DIP2B: variants seen among roughly 807,000 people sequenced by gnomAD.
The protein encoded by DIP2B is DIP2 acetate--CoA ligase B (putative), also known as disco-interacting protein 2 homolog B.
In DIP2B, 76 loss-of-function variants were observed where a neutral mutation model predicts 198.0. That is an observed-to-expected ratio of 0.38 (90% CI 0.32 to 0.46). DIP2B has a LOEUF of 0.46. Ranked by LOEUF, DIP2B falls within the 20% of genes least tolerant of loss-of-function variation. The pLI is 0.99. For synonymous variants in DIP2B, 701 were observed against 739.1 expected, an observed-to-expected ratio of 0.95 and a Z score of 0.84; for missense variants, 1,559 against 1,978.4, an observed-to-expected ratio of 0.79 and a Z score of 4.02.
intron 1 of DIP2B, among the ~76,000 whole-genome samples, chr12:50,546,582 C>A (rs1958379525): frequency 6.6e-6 from 1 of 152,164 alleles, no homozygotes; most frequent in Non-Finnish European, 1.5e-5. Context: ...GTTCTCTGGG[C>A]CTCTCAATGT....
At chr12:50,678,607 TGAGATTA>T in intron 7 of DIP2B, 65 bp from the exon 8 acceptor site, 1 of 1,444,118 alleles carries the variant, frequency 6.9e-7, no homozygotes, top group Non-Finnish European at 9.5e-7. Flanking sequence ...AAGATGCAGT[TGAGATTA>T]GAGACCTAAG....
rs536912408 is a variant in DIP2B, at chr12:50,725,104, T to C, written c.3400+218T>C. 3.2e-3 allele frequency among the ~76,000 whole-genome samples: 488 copies of C among 152,238 alleles called. 2 individuals are homozygous for C. The highest frequency in any genetic ancestry group is 0.011 in the African/African-American group (469 of 41,554). On this transcript the variant is annotated intron_variant, in intron 28 of 37. Coordinates refer to ENST00000301180, the MANE Select transcript of DIP2B (RefSeq NM_173602.3). ...CTGCTAAGAGCTCTCCAAACAAAAT[T>C]GTTTTGCTGTTACTCTTGGCATCAT...
intron 1 of DIP2B, among the ~76,000 whole-genome samples, chr12:50,551,111 G>A (rs1480531256): frequency 6.6e-6 from 1 of 151,246 alleles, no homozygotes; most frequent in Non-Finnish European, 1.5e-5. Context: ...AAGAAAGAAA[G>A]AACATGAAGT....
intron 22 of DIP2B, among the ~76,000 whole-genome samples, chr12:50,711,749 G>A (rs922950061): frequency 2.0e-5 from 3 of 152,126 alleles, no homozygotes; most frequent in South Asian, 2.1e-4. Flanking sequence ...TTTACTAGAC[G>A]GGGTTTCACC....
chr12:50,719,755 C>A (rs370310419), intron 25 of DIP2B, among the ~76,000 whole-genome samples: 2 of 151,404 alleles, frequency 1.3e-5, no homozygotes, highest in Non-Finnish European at 2.9e-5. Context: ...GCAGGAGAAT[C>A]GCTTGAATCC....
chr12:50,602,857 CAAA>C (rs71086464), intron 1 of DIP2B, among the ~76,000 whole-genome samples: 5 of 91,490 alleles, frequency 5.5e-5, no homozygotes, highest in East Asian at 3.3e-4. Context: ...GACTCTGTCT[CAAA>C]AAAAAAAAAA....
intron 1 of DIP2B, among the ~76,000 whole-genome samples, chr12:50,577,521 G>A (rs1025853177): frequency 1.3e-5 from 2 of 151,464 alleles, no homozygotes; most frequent in Non-Finnish European, 2.9e-5. Flanking sequence ...GCAACAGAGC[G>A]AGACTCCGTC....
chr12:50,541,016 A>G (rs1418134607), intron 1 of DIP2B, among the ~76,000 whole-genome samples: 1 of 152,150 alleles, frequency 6.6e-6, no homozygotes, highest in Non-Finnish European at 1.5e-5. Flanking sequence ...TCTTCAATGC[A>G]CTTAGTTTTA....
intron 36 of DIP2B, 28 bp from the exon 37 acceptor site, chr12:50,741,388 C>T: frequency 6.2e-7 from 1 of 1,610,358 alleles, no homozygotes; most frequent in East Asian, 2.2e-5. Flanking sequence ...ATGTCCAAGC[C>T]ACATTTCTCT....
chr12:50,661,925 C>T (rs1521516), intron 4 of DIP2B, among the ~76,000 whole-genome samples: 41,189 of 151,964 alleles, frequency 0.27, 6,346 homozygotes, highest in Non-Finnish European at 0.35. Flanking sequence ...TGAGAATGCT[C>T]AGAAGGAGTG....
At chr12:50,650,073 G>C (rs1938427390) in intron 3 of DIP2B, among the ~76,000 whole-genome samples, 1 of 152,060 alleles carries the variant, frequency 6.6e-6, no homozygotes, top group Non-Finnish European at 1.5e-5. Context: ...AGCCAGGGGT[G>C]GTGGTGGGTG....
intron 26 of DIP2B, 46 bp downstream of exon 26, chr12:50,721,442 C>T (rs1293329161): frequency 6.2e-7 from 1 of 1,607,750 alleles, no homozygotes. Flanking sequence ...CAATACTAGA[C>T]TGACTACAAA....
At chr12:50,657,293 A>G (rs986649318) in intron 3 of DIP2B, among the ~76,000 whole-genome samples, 2 of 151,590 alleles carry the variant, frequency 1.3e-5, no homozygotes, top group East Asian at 3.9e-4. Context: ...TAGTGAGTTG[A>G]AAGGTTGACA....
At chr12:50,569,358 A>G (rs774806102) in intron 1 of DIP2B, among the ~76,000 whole-genome samples, 5 of 152,152 alleles carry the variant, frequency 3.3e-5, no homozygotes, top group Non-Finnish European at 7.3e-5. Flanking sequence ...CTCTAGACCA[A>G]ACATATCACT....
At chr12:50,543,924 TAAA>T (rs781505789) in intron 1 of DIP2B, among the ~76,000 whole-genome samples, 6 of 101,172 alleles carry the variant, frequency 5.9e-5, no homozygotes, top group South Asian at 3.8e-4. Flanking sequence ...ACTCAGCCTT[TAAA>T]AAAAAAAAAA....
intron 1 of DIP2B, among the ~76,000 whole-genome samples, chr12:50,547,446 CAT>C (rs1364466413): frequency 3.9e-5 from 6 of 152,054 alleles, no homozygotes; most frequent in African/African-American, 9.7e-5. Context: ...ATGGTAAAAA[CAT>C]ATGTAGAGAG....
At chr12:50,631,112 A>G (rs1365853137) in intron 2 of DIP2B, among the ~76,000 whole-genome samples, 1 of 151,176 alleles carries the variant, frequency 6.6e-6, no homozygotes, top group Non-Finnish European at 1.5e-5. Flanking sequence ...TTCTCCGGTC[A>G]GTTTCCTCCT....
At chr12:50,676,194 A>C (rs550746143) in intron 7 of DIP2B, among the ~76,000 whole-genome samples, 2 of 152,304 alleles carry the variant, frequency 1.3e-5, no homozygotes, top group East Asian at 3.9e-4. Flanking sequence ...TGGCCATTTG[A>C]TAATTATAGA....
chr12:50,676,905 C>A (rs1938955783), intron 7 of DIP2B, among the ~76,000 whole-genome samples: 1 of 152,078 alleles, frequency 6.6e-6, no homozygotes, highest in Admixed American at 6.5e-5. Flanking sequence ...ATGTACAAAG[C>A]AGAAGGGCAG....
Sources: gnomAD v4.1 joint callset for allele counts (sites outside exome capture counted in the v4.1 genomes callset) on GRCh38, gnomAD v4.1.1 for gene constraint, MANE v1.5 for transcripts, NCBI Gene and HGNC (gene_info 2026-07-23, HGNC 2026-07-21) for gene names.